The following MAP3K13 variants were observed in gnomAD, a reference collection of about 807,000 sequenced individuals.
MAP3K13 encodes mitogen-activated protein kinase kinase kinase 13.
MAP3K13 carries 52 observed loss-of-function variants against 104.0 expected under a neutral mutation model. The observed-to-expected ratio is 0.50, with a 90% CI of 0.40 to 0.63. The LOEUF is 0.63. MAP3K13 is among the 20% of genes least tolerant of loss of function. MAP3K13 has a pLI of 0.00. For synonymous variants in MAP3K13, 394 were observed against 442.2 expected (o/e 0.89, Z 1.37); for missense variants, 914 against 1,218.5 (o/e 0.75, Z 3.72).
chr3:185,454,911 T>TATATATGAG (rs1716315125), intron 7 of MAP3K13, among the ~76,000 whole-genome samples: 1 of 117,430 alleles, frequency 8.5e-6, no homozygotes, highest in Non-Finnish European at 1.6e-5. Context: ...ATATATGATA[T>TATATATGAG]ATATATGAGA....
intron 7 of MAP3K13, among the ~76,000 whole-genome samples, chr3:185,453,397 T>C (rs997674208): frequency 3.9e-5 from 6 of 152,108 alleles, no homozygotes; most frequent in Admixed American, 2.0e-4. Flanking sequence ...TCAGCCTCCT[T>C]CTCATAGCCC....
At chr3:185,407,378 G>T (rs1182354592) in intron 1 of MAP3K13, among the ~76,000 whole-genome samples, 1 of 152,050 alleles carries the variant, frequency 6.6e-6, no homozygotes, top group Non-Finnish European at 1.5e-5. Flanking sequence ...ACACTCAGGG[G>T]TACCTCTGTC....
chr3:185,461,545 C>CTTTTA, intron 7 of MAP3K13, among the ~76,000 whole-genome samples: 1 of 152,046 alleles, frequency 6.6e-6, no homozygotes, highest in Non-Finnish European at 1.5e-5. Flanking sequence ...GAGCTACTGT[C>CTTTTA]TTTTATTTTA....
At position 185,486,394 on chromosome 3, in the gene MAP3K13, G is replaced by C. The variant is rs1043113459; in HGVS notation, c.*3938G>C. 11 of 152,168 alleles carry C rather than the reference G, an allele frequency of 7.2e-5. 1 individual carries two copies. The highest frequency in any genetic ancestry group is 7.2e-4 in the Admixed American group (11 of 15,276). 9.4% of individuals were successfully genotyped at this position (152,168 alleles called of 1,614,324 possible). On this transcript the variant is annotated 3_prime_UTR_variant, in exon 14 of 14. Transcript: ENST00000265026. Reference sequence around the variant, plus strand: ...AGAATTGACTAGAGGTTTCAGAGGAGAATAAGGTCCTTAGTGGAGGTTAAA... The same window carrying C: ...AGAATTGACTAGAGGTTTCAGAGGACAATAAGGTCCTTAGTGGAGGTTAAA...
intron 2 of MAP3K13, among the ~76,000 whole-genome samples, chr3:185,326,884 CT>C (rs1333177632): frequency 2.0e-5 from 3 of 152,340 alleles, no homozygotes; most frequent in Non-Finnish European, 2.9e-5. Context: ...AGTTCCACAA[CT>C]TTTTTTCTGC....
At position 185,455,820 on chromosome 3, in the gene MAP3K13, A is replaced by C. The variant is rs1249109233; in HGVS notation, c.1278+4425A>C. Among the ~76,000 whole-genome samples, 17 of 121,432 alleles carry C rather than the reference A, an allele frequency of 1.4e-4. 2 individuals carry two copies. The highest frequency in any genetic ancestry group is 2.5e-4 in the Non-Finnish European group (15 of 59,786). 79.7% of individuals were successfully genotyped at this position (121,432 alleles called of 152,430 possible). Reference sequence around the variant, plus strand: ...ATGAGATATATGAGATATATATATGAGATATATATGAGATATATATATGAG... The same window carrying C: ...ATGAGATATATGAGATATATATATGCGATATATATGAGATATATATATGAG... On this transcript the variant is annotated intron_variant, in intron 7 of 13. Coordinates refer to ENST00000265026, the MANE Select transcript of MAP3K13 (RefSeq NM_004721.5).
intron 2 of MAP3K13, among the ~76,000 whole-genome samples, chr3:185,432,273 C>T (rs1714787661): frequency 1.3e-5 from 2 of 148,558 alleles, no homozygotes; most frequent in Admixed American, 1.4e-4. Flanking sequence ...TCACTGCAAC[C>T]TCTGCCTTCT....
chr3:185,303,813 TTTTA>T (rs1405036365), intron 2 of MAP3K13, among the ~76,000 whole-genome samples: 4 of 151,938 alleles, frequency 2.6e-5, no homozygotes, highest in Non-Finnish European at 4.4e-5. Context: ...CTATCCTCTA[TTTTA>T]TTTATTTATG....
At chr3:185,303,533 T>TA (rs981142635) in intron 2 of MAP3K13, among the ~76,000 whole-genome samples, 2 of 149,860 alleles carry the variant, frequency 1.3e-5, no homozygotes, top group Admixed American at 6.7e-5. Context: ...TTTTTTTTTT[T>TA]ATGATTCAGT....
At chr3:185,332,857 T>G (rs537713707) in intron 2 of MAP3K13, among the ~76,000 whole-genome samples, 1 of 152,386 alleles carries the variant, frequency 6.6e-6, no homozygotes, top group Admixed American at 6.5e-5. Flanking sequence ...AACATGGATG[T>G]GCAGATATCT....
chr3:185,307,553 G>GCCCCCC (rs1721336991), intron 2 of MAP3K13, among the ~76,000 whole-genome samples: 1 of 66,316 alleles, frequency 1.5e-5, no homozygotes, highest in Non-Finnish European at 3.1e-5. Context: ...CCCCTCCCCC[G>GCCCCCC]CCACCCCGAG....
At chr3:185,330,577 G>C (rs1450864462) in intron 2 of MAP3K13, among the ~76,000 whole-genome samples, 2 of 152,100 alleles carry the variant, frequency 1.3e-5, no homozygotes, top group Non-Finnish European at 2.9e-5. Flanking sequence ...GTGGAGGGCT[G>C]GGGGGTGTCC....
At chr3:185,425,747 A>T (rs9811623) in intron 1 of MAP3K13, among the ~76,000 whole-genome samples, 11 of 152,072 alleles carry the variant, frequency 7.2e-5, no homozygotes, top group African/African-American at 2.7e-4. Context: ...TCCCCATACT[A>T]CCTGGAATGC....
At chr3:185,298,116 A>G (rs1453235646) in intron 2 of MAP3K13, among the ~76,000 whole-genome samples, 1 of 152,184 alleles carries the variant, frequency 6.6e-6, no homozygotes, top group Non-Finnish European at 1.5e-5. Flanking sequence ...TTTGAGGCAA[A>G]AGATAAGAAT....
At position 185,486,409 on chromosome 3, in the gene MAP3K13, TG is replaced by T. The variant is rs895784108; in HGVS notation, c.*3955del. ...TTTCAGAGGAGAATAAGGTCCTTAG[TG>T]GAGGTTAAAAAGGGAAATACCTTCT... On this transcript the variant is annotated 3_prime_UTR_variant, in exon 14 of 14. Coordinates refer to ENST00000265026, the MANE Select transcript of MAP3K13 (RefSeq NM_004721.5). 6.6e-6 allele frequency: 1 copy of T among 152,176 alleles called. No homozygotes were observed. The highest frequency in any genetic ancestry group is 1.5e-5 in the Non-Finnish European group (1 of 68,040). The allele number at this position is 152,176 out of a possible 1,614,324, so 9.4% of individuals were successfully genotyped here.
chr3:185,299,083 G>T (rs1274403414), intron 2 of MAP3K13, among the ~76,000 whole-genome samples: 1 of 152,194 alleles, frequency 6.6e-6, no homozygotes, highest in African/African-American at 2.4e-5. Context: ...TGTTGCAAGA[G>T]AACATTGTTC....
intron 1 of MAP3K13, among the ~76,000 whole-genome samples, chr3:185,387,140 C>T (rs1334709423): frequency 1.3e-5 from 2 of 152,070 alleles, no homozygotes; most frequent in Non-Finnish European, 2.9e-5. Context: ...GGACATATGC[C>T]ATAGTTTGGA....
At chr3:185,286,299 A>G (rs1455632696) in intron 2 of MAP3K13, among the ~76,000 whole-genome samples, 1 of 152,010 alleles carries the variant, frequency 6.6e-6, no homozygotes, top group African/African-American at 2.4e-5. Flanking sequence ...TTATGATAAT[A>G]TTTGTCACCT....
chr3:185,449,244 G>C (rs76492222), intron 5 of MAP3K13, among the ~76,000 whole-genome samples: 7,536 of 151,914 alleles, frequency 0.05, 308 homozygotes, highest in East Asian at 0.22. Context: ...GTGGTGGCAC[G>C]CACTTGTAAT....
Sources: gnomAD v4.1 joint callset for allele counts (sites outside exome capture counted in the v4.1 genomes callset) on GRCh38, gnomAD v4.1.1 for gene constraint, MANE v1.5 for transcripts, NCBI Gene and HGNC (gene_info 2026-07-23, HGNC 2026-07-21) for gene names.